The following ADAMTS5 variants were observed in gnomAD, a reference collection of about 807,000 sequenced individuals.
The protein encoded by ADAMTS5 is ADAM metallopeptidase with thrombospondin type 1 motif 5, also known as A disintegrin and metalloproteinase with thrombospondin motifs 5.
In ADAMTS5, 54 loss-of-function variants were observed where a neutral mutation model predicts 81.4. That is an observed-to-expected ratio of 0.66 (90% CI 0.53 to 0.83). ADAMTS5 has a LOEUF of 0.83. Among genes scored for constraint, ADAMTS5 ranks in the 40% least tolerant of loss-of-function variants. ADAMTS5 has a pLI of 0.00. For synonymous variants in ADAMTS5, 532 were observed against 508.8 expected (o/e 1.05, Z -0.61); for missense variants, 1,194 against 1,229.9 (o/e 0.97, Z 0.44).
At chr21:26,958,560 T>C (rs1987470173) in intron 1 of ADAMTS5, among the ~76,000 whole-genome samples, 1 of 152,188 alleles carries the variant, frequency 6.6e-6, no homozygotes, top group Non-Finnish European at 1.5e-5. Context: ...ATCTCTATCC[T>C]TGTCTCTTGA....
At chr21:26,961,298 T>C (rs1987525703) in intron 1 of ADAMTS5, among the ~76,000 whole-genome samples, 1 of 152,260 alleles carries the variant, frequency 6.6e-6, no homozygotes, top group Non-Finnish European at 1.5e-5. Context: ...ACATAAGAAA[T>C]GCTCAATAGC....
At chr21:26,925,291 A>G (rs1215035183) in intron 7 of ADAMTS5, among the ~76,000 whole-genome samples, 1 of 152,216 alleles carries the variant, frequency 6.6e-6, no homozygotes, top group Non-Finnish European at 1.5e-5. Context: ...TTGGTGGGAC[A>G]GGCCATAAAT....
chr21:26,951,148 C>T (rs1987308699), intron 2 of ADAMTS5, among the ~76,000 whole-genome samples: 1 of 152,098 alleles, frequency 6.6e-6, no homozygotes, highest in Non-Finnish European at 1.5e-5. Flanking sequence ...TATTTTAAAC[C>T]ACTGTGAAGA....
At position 26,962,277 on chromosome 21, in the gene ADAMTS5, A is replaced by G. The variant is rs369131002; in HGVS notation, c.1104+3011T>C. ...TCTTGAAATAAAAGAGGACGTCCAG[A>G]ACAAGGAAAGGATTCTGGAAAGCAA... On this transcript the variant is annotated intron_variant, in intron 1 of 7. Coordinates refer to ENST00000284987, the MANE Select transcript of ADAMTS5 (RefSeq NM_007038.5). Among the ~76,000 whole-genome samples, 22 of 152,320 alleles carry G rather than the reference A, an allele frequency of 1.4e-4. No individual in the cohort carries two copies. In the East Asian group the frequency reaches 3.7e-3, roughly 25 times the overall value.
chr21:26,965,250 T>G (rs774939167), intron 1 of ADAMTS5, 38 bp downstream of exon 1: 1 of 1,573,672 alleles, frequency 6.4e-7, no homozygotes, highest in Non-Finnish European at 8.6e-7. Context: ...TACCTCCTGA[T>G]ATCAGCGCTG....
chr21:26,926,643 G>T (rs1418521075), intron 7 of ADAMTS5, among the ~76,000 whole-genome samples: 2 of 149,786 alleles, frequency 1.3e-5, no homozygotes, highest in Non-Finnish European at 3.0e-5. Context: ...ATTCCAGCCT[G>T]GGCAACAGAG....
chr21:26,943,598 A>C, intron 2 of ADAMTS5, 51 bp from the exon 3 acceptor site: 1 of 1,541,032 alleles, frequency 6.5e-7, no homozygotes, highest in Middle Eastern at 1.7e-4. Flanking sequence ...GTGTATTTCT[A>C]TCTTTCCATG....
intron 3 of ADAMTS5, among the ~76,000 whole-genome samples, chr21:26,940,807 T>C (rs546539785): frequency 1.4e-4 from 22 of 152,282 alleles, no homozygotes; most frequent in African/African-American, 5.1e-4. Context: ...CTTAGTTCTC[T>C]CCCATGCTCT....
rs780139392 is a variant in ADAMTS5, at chr21:26,932,055, C to G, written c.1998G>C (p.Lys666Asn). 24 of 1,614,202 alleles carry G rather than the reference C, an allele frequency of 1.5e-5. 1 individual carries two copies. In the South Asian group the frequency reaches 2.6e-4, roughly 18 times the overall value. ...YAGVLPADVC[K>N]LTCRAKGTGY... Reference sequence around the variant, plus strand: ...CAGTGCCCTTGGCTCTGCAGGTCAGCTTGCACACATCCGCTGGCAGGACAC... The same window carrying G: ...CAGTGCCCTTGGCTCTGCAGGTCAGGTTGCACACATCCGCTGGCAGGACAC... Residue 666 changes from lysine (K) to asparagine (N), a missense_variant, in exon 6 of 8, where the codon AAG (lysine) becomes AAC (asparagine). Lys to Asn is a moderately conservative substitution (Grantham distance 94, BLOSUM62 0). Around this residue, in one of 2 missense-constraint regions of ADAMTS5, gnomAD observed 696 missense variants for 817.6 expected, o/e 0.85. Transcript: ENST00000284987.
intron 1 of ADAMTS5, among the ~76,000 whole-genome samples, chr21:26,962,683 C>T (rs145016440): frequency 6.6e-6 from 1 of 152,304 alleles, no homozygotes; most frequent in Non-Finnish European, 1.5e-5. Flanking sequence ...CATAGCTTGG[C>T]GTCTGGCTGC....
intron 1 of ADAMTS5, among the ~76,000 whole-genome samples, chr21:26,957,018 T>A (rs1205671543): frequency 6.6e-6 from 1 of 152,324 alleles, no homozygotes; most frequent in East Asian, 1.9e-4. Context: ...CACTATATAT[T>A]TCTGTAGCTA....
At chr21:26,929,307 A>G (rs1986862833) in intron 7 of ADAMTS5, among the ~76,000 whole-genome samples, 1 of 152,176 alleles carries the variant, frequency 6.6e-6, no homozygotes, top group Non-Finnish European at 1.5e-5. Flanking sequence ...TATGCCGGAA[A>G]TTGGTACTTC....
At chr21:26,930,114 T>C in intron 6 of ADAMTS5, 53 bp from the exon 7 acceptor site, 1 of 1,570,230 alleles carries the variant, frequency 6.4e-7, no homozygotes, top group Non-Finnish European at 8.7e-7. Flanking sequence ...CAGTATTTGC[T>C]CCTTTGGTCA....
rs1568842109 is a variant in ADAMTS5 at position 26,934,745 on chromosome 21, GT to G, written c.1409del (p.Asn470ThrfsTer30). The G allele has an allele frequency of 6.2e-7, 1 of 1,613,588 alleles. No individual in the cohort carries two copies. Among genetic ancestry groups the G allele is most frequent in the Non-Finnish European group, 8.5e-7 (1 of 1,179,636 alleles). ...GCTTTCGTGGTAGGTCCAGCAAACA[GT>G]TACCTACAAGAATAACTGAGATTGA... ...ITEFLDDGHGNCLLDLPRKQI... is the reference protein window; with the variant it reads ...ITEFLDDGHGXCLLDLPRKQI... On this transcript the variant is annotated frameshift_variant, in exon 4 of 8. Coordinates refer to ENST00000284987, the MANE Select transcript of ADAMTS5 (RefSeq NM_007038.5). LOFTEE classifies it high-confidence loss of function.
intron 2 of ADAMTS5, among the ~76,000 whole-genome samples, chr21:26,948,152 T>C (rs1209996274): frequency 6.6e-6 from 1 of 152,212 alleles, no homozygotes; most frequent in African/African-American, 2.4e-5. Flanking sequence ...TGTGATAATG[T>C]GTAGCCAGAT....
rs1476861918 is a variant in ADAMTS5 at position 26,965,601 on chromosome 21, G to A, written c.791C>T (p.Ser264Phe). The A allele has an allele frequency of 1.2e-6, 2 of 1,602,570 alleles. No homozygotes were observed. Among genetic ancestry groups the A allele is most frequent in the Admixed American group, 3.4e-5 (2 of 59,400 alleles). The change falls in exon 1 of 8, where the codon TCC (serine) becomes TTC (phenylalanine). Residue 264 changes from serine (S) to phenylalanine (F), a missense_variant. Ser to Phe is a radical substitution (Grantham distance 155). Transcript: ENST00000284987. ...AAGCAGCTCCACCTGGCGGGCCCGG[G>A]AGATGGAGCGGCGCCGCCGCCGCCA... ...TWWRRRRRSISRARQVELLLV... is the reference protein window; with the variant it reads ...TWWRRRRRSIFRARQVELLLV...
At chr21:26,930,832 C>CGT (rs1386979861) in intron 6 of ADAMTS5, among the ~76,000 whole-genome samples, 1 of 151,578 alleles carries the variant, frequency 6.6e-6, no homozygotes, top group African/African-American at 2.4e-5. Flanking sequence ...GTTGTGAATG[C>CGT]GTGTGTGTGT....
Position 26,921,359 on chromosome 21 carries a change from C to G in ADAMTS5, c.*2694G>C, listed in dbSNP as rs1051136272. 34 of 151,272 alleles carry G rather than the reference C, an allele frequency of 2.2e-4. No homozygotes were observed. Among genetic ancestry groups the G allele is most frequent in the African/African-American group, 8.2e-4 (34 of 41,246 alleles). 9.4% of individuals were successfully genotyped at this position (151,272 alleles called of 1,614,324 possible). A position where few individuals can be genotyped will look rare whatever the true frequency, so the allele number is the denominator to read the frequency against. The stretch of plus-strand genomic sequence containing the variant: ...AATAAATGTCATTTTTTCTGGCTCC[C>G]TTTGTACTTAATAAAACTTATTATG... On this transcript the variant is annotated 3_prime_UTR_variant, in exon 8 of 8. Coordinates refer to ENST00000284987, the MANE Select transcript of ADAMTS5 (RefSeq NM_007038.5).
At chr21:26,943,341 TTTTG>T in intron 3 of ADAMTS5, 35 bp downstream of exon 3, 2 of 1,569,202 alleles carry the variant, frequency 1.3e-6, no homozygotes, top group Non-Finnish European at 1.7e-6. Context: ...GAATCCCAAA[TTTTG>T]TTTCTCAGTC....
Sources: gnomAD v4.1 joint callset for allele counts (sites outside exome capture counted in the v4.1 genomes callset) on GRCh38, gnomAD v4.1.1 for gene constraint, gnomAD v4.1.1 regional missense constraint, MANE v1.5 for transcripts, NCBI Gene and HGNC (gene_info 2026-07-23, HGNC 2026-07-21) for gene names.